IQGAP1: variants seen among roughly 807,000 people sequenced by gnomAD.
IQGAP1 encodes the protein ras GTPase-activating-like protein IQGAP1.
IQGAP1 carries 66 observed loss-of-function variants against 215.6 expected under a neutral mutation model. The ratio of observed to expected loss-of-function variants is 0.31; its 90% CI spans 0.25 to 0.38. The LOEUF (loss-of-function observed/expected upper bound fraction) is 0.38. IQGAP1 is among the 10% of genes least tolerant of loss of function. IQGAP1 has a pLI of 1.00. For synonymous variants in IQGAP1, 772 were observed against 728.7 expected, an observed-to-expected ratio of 1.06 and a Z score of -0.96; for missense variants, 1,712 against 1,997.1, an observed-to-expected ratio of 0.86 and a Z score of 2.72.
intron 11 of IQGAP1, among the ~76,000 whole-genome samples, chr15:90,450,616 T>C (rs902869909): frequency 2.0e-5 from 3 of 152,014 alleles, no homozygotes; most frequent in Non-Finnish European, 4.4e-5. Flanking sequence ...GCATTTGTTA[T>C]TTTTTGTCTT....
At chr15:90,427,695 G>GCAC (rs1479696723) in intron 3 of IQGAP1, among the ~76,000 whole-genome samples, 1 of 152,010 alleles carries the variant, frequency 6.6e-6, no homozygotes, top group Non-Finnish European at 1.5e-5. Context: ...AGCTGAGATA[G>GCAC]CACCACTGCA....
intron 4 of IQGAP1, 98 bp from the exon 5 acceptor site, chr15:90,433,621 T>C: frequency 1.4e-6 from 1 of 699,700 alleles, no homozygotes; most frequent in South Asian, 1.9e-5. Flanking sequence ...CGATGTTTTC[T>C]AACTGTCCAT....
intron 2 of IQGAP1, among the ~76,000 whole-genome samples, chr15:90,424,985 T>G (rs1484211821): frequency 6.6e-6 from 1 of 152,128 alleles, no homozygotes; most frequent in Non-Finnish European, 1.5e-5. Context: ...TCCTTCGATA[T>G]TCACAGGATT....
chr15:90,494,517 A>G (rs956951027), intron 35 of IQGAP1, 196 bp from the exon 36 acceptor site: 3 of 361,788 alleles, frequency 8.3e-6, no homozygotes, highest in Non-Finnish European at 1.5e-5. Context: ...AATAGAAGCA[A>G]TTTAGTAATA....
intron 9 of IQGAP1, among the ~76,000 whole-genome samples, chr15:90,445,386 G>A (rs986384347): frequency 2.0e-5 from 3 of 151,766 alleles, no homozygotes; most frequent in African/African-American, 7.3e-5. Flanking sequence ...AATCCAAATT[G>A]TACCCATCAT....
At chr15:90,441,119 GA>G (rs898776330) in intron 7 of IQGAP1, among the ~76,000 whole-genome samples, 2 of 147,484 alleles carry the variant, frequency 1.4e-5, no homozygotes, top group African/African-American at 2.5e-5. Context: ...AAAAAAAAAA[GA>G]AAAAAAAAGA....
chr15:90,473,574 C>T lies in IQGAP1; in HGVS notation c.2350-141C>T. 3 of 628,240 alleles carry T rather than the reference C, an allele frequency of 4.8e-6. No homozygotes were observed. The South Asian group carries it at 5.8e-5, about 12-fold the overall frequency. The allele number at this position is 628,240 out of a possible 1,614,324, so 38.9% of individuals were successfully genotyped here. Reference sequence around the variant, plus strand: ...GGAGGGATGGCCCGTGCCCTTGTTCCCCTGTCACTGCTGGAAGTGGTCCTT... The same window carrying T: ...GGAGGGATGGCCCGTGCCCTTGTTCTCCTGTCACTGCTGGAAGTGGTCCTT... On this transcript the variant is annotated intron_variant, in intron 19 of 37. Transcript: ENST00000268182.
chr15:90,390,044 G>A (rs932233471), intron 1 of IQGAP1, among the ~76,000 whole-genome samples: 8 of 152,136 alleles, frequency 5.3e-5, no homozygotes, highest in Non-Finnish European at 1.2e-4. Flanking sequence ...GAAAGTAGAG[G>A]GATACTGTGT....
chr15:90,412,385 C>T (rs1964979301), intron 2 of IQGAP1, among the ~76,000 whole-genome samples: 2 of 152,118 alleles, frequency 1.3e-5, no homozygotes, highest in Admixed American at 1.3e-4. Flanking sequence ...TCTCTCTAGC[C>T]CTTTCTCCTA....
rs764496811 is a variant in IQGAP1 at position 90,494,832 on chromosome 15, A to T, written c.4748A>T (p.Asn1583Ile). Residue 1583 changes from asparagine to isoleucine, a missense_variant, in exon 36 of 38, where the codon AAT becomes ATT. Physicochemically the swap from Asn to Ile is moderately radical, Grantham distance 149 (BLOSUM62 -3). Coordinates refer to ENST00000268182, the MANE Select transcript of IQGAP1 (RefSeq NM_003870.4). ...CTGGAAATTGAGGACCTGCAAGTGA[A>T]TCAGTGAGTCTTTGCTTTTTGTTTT... ...VLLEIEDLQVNQFKNVIFEIS... is the reference protein window; with the variant it reads ...VLLEIEDLQVIQFKNVIFEIS... The T allele has an allele frequency of 1.2e-6, 2 of 1,601,502 alleles. No homozygotes were observed. Among genetic ancestry groups the T allele is most frequent in the African/African-American group, 1.3e-5 (1 of 74,388 alleles).
In IQGAP1 at chr15:90,430,797, G is replaced by A. The variant is rs73476898; in HGVS notation, c.390+1131G>A. ...TTTATTTTAAAAAAGTGAGGTGTAG[G>A]GTATCAGAAGGTGGCTAAAACCATT... On this transcript the variant is annotated intron_variant, in intron 4 of 37. Transcript: ENST00000268182. Among the ~76,000 whole-genome samples the A allele has an allele frequency of 4.8e-3, 732 of 151,354 alleles. 10 individuals carry two copies. Among genetic ancestry groups the A allele is most frequent in the African/African-American group, 0.017 (718 of 41,338 alleles).
At chr15:90,429,725 A>T (rs1965276498) in intron 4 of IQGAP1, 59 bp downstream of exon 4, 6 of 1,072,186 alleles carry the variant, frequency 5.6e-6, no homozygotes, top group South Asian at 4.3e-5. Context: ...ATAACCCTCA[A>T]ACAACCTGTT....
At chr15:90,455,096 A>G (rs2151024556) in intron 14 of IQGAP1, among the ~76,000 whole-genome samples, 1 of 152,316 alleles carries the variant, frequency 6.6e-6, no homozygotes, top group Admixed American at 6.5e-5. Flanking sequence ...ATCAGGCAAT[A>G]TCTGTGAGAG....
intron 2 of IQGAP1, among the ~76,000 whole-genome samples, chr15:90,409,201 T>C (rs1467651799): frequency 2.6e-5 from 4 of 151,128 alleles, no homozygotes; most frequent in Non-Finnish European, 5.9e-5. Context: ...TGTTTTCCCC[T>C]CTTTGTTCTT....
intron 2 of IQGAP1, among the ~76,000 whole-genome samples, chr15:90,423,285 G>A (rs949372604): frequency 6.6e-6 from 1 of 152,136 alleles, no homozygotes; most frequent in African/African-American, 2.4e-5. Context: ...CCCAGTTAGA[G>A]TGCAGTGCCA....
intron 2 of IQGAP1, among the ~76,000 whole-genome samples, chr15:90,404,846 G>A (rs917458681): frequency 2.6e-5 from 4 of 152,110 alleles, no homozygotes; most frequent in East Asian, 3.8e-4. Context: ...CTCCCAAAGT[G>A]CTGGGATTAC....
intron 8 of IQGAP1, 134 bp downstream of exon 8, chr15:90,441,818 T>C: frequency 1.4e-6 from 1 of 698,110 alleles, no homozygotes; most frequent in Admixed American, 3.0e-5. Flanking sequence ...AATGTACAGT[T>C]TGAGTTTTGA....
chr15:90,495,624 T>A (rs188450190), intron 36 of IQGAP1, among the ~76,000 whole-genome samples: 167 of 148,798 alleles, frequency 1.1e-3, no homozygotes, highest in Non-Finnish European at 2.1e-3. Context: ...ATATATATAT[T>A]TTTTTCTTCT....
chr15:90,493,660 T>C (rs1966236351), intron 35 of IQGAP1, among the ~76,000 whole-genome samples: 1 of 152,234 alleles, frequency 6.6e-6, no homozygotes, highest in Non-Finnish European at 1.5e-5. Context: ...GCTTCCCATT[T>C]CCCTGGCTCT....
Sources: gnomAD v4.1 joint callset for allele counts (sites outside exome capture counted in the v4.1 genomes callset) on GRCh38, gnomAD v4.1.1 for gene constraint, MANE v1.5 for transcripts, NCBI Gene and HGNC (gene_info 2026-07-23, HGNC 2026-07-21) for gene names.